Variants in PPARGC1A observed in about 807,000 individuals in gnomAD.
PPARGC1A encodes the protein peroxisome proliferator-activated receptor gamma coactivator 1-alpha.
PPARGC1A carries 25 observed loss-of-function variants against 88.7 expected under a neutral mutation model. That is an observed-to-expected ratio of 0.28 (90% CI 0.21 to 0.39). The LOEUF is 0.39. Ranked by LOEUF, PPARGC1A falls within the 10% of genes least tolerant of loss-of-function variation. The probability of loss-of-function intolerance (pLI) is 1.00; values close to 1 mark genes in which losing one functional copy is unlikely to be tolerated. For missense variants in PPARGC1A, 880 were observed against 968.7 expected, an observed-to-expected ratio of 0.91 and a Z score of 1.22; for synonymous variants, 363 against 355.6, an observed-to-expected ratio of 1.02 and a Z score of -0.24.
At chr4:24,339,383 A>C in the PPARGC1A span, among the ~76,000 whole-genome samples, 1 of 148,400 alleles carries the variant, frequency 6.7e-6, no homozygotes. Context: ...TCTTTATCTT[A>C]TTTCCCATTT....
chr4:24,147,861 T>G, the PPARGC1A span, among the ~76,000 whole-genome samples: 1 of 152,148 alleles, frequency 6.6e-6, no homozygotes, highest in Non-Finnish European at 1.5e-5. Flanking sequence ...CAAGAATCAC[T>G]TGAGCCCGGG....
intron 2 of PPARGC1A, among the ~76,000 whole-genome samples, chr4:23,851,547 G>A (rs1325306375): frequency 1.3e-5 from 2 of 152,186 alleles, no homozygotes; most frequent in African/African-American, 4.8e-5. Flanking sequence ...GATGTTATCA[G>A]TTGTCCAGGA....
the PPARGC1A span, among the ~76,000 whole-genome samples, chr4:24,160,368 C>A: frequency 6.6e-6 from 1 of 152,060 alleles, no homozygotes; most frequent in African/African-American, 2.4e-5. Flanking sequence ...TTATTAAGAC[C>A]ATTAAAACTA....
At chr4:24,268,165 A>G in the PPARGC1A span, among the ~76,000 whole-genome samples, 1 of 152,228 alleles carries the variant, frequency 6.6e-6, no homozygotes, top group Non-Finnish European at 1.5e-5. Context: ...ATCAAGCATA[A>G]TGACCCTCTA....
the PPARGC1A span, among the ~76,000 whole-genome samples, chr4:24,192,529 G>C: frequency 6.6e-6 from 1 of 152,172 alleles, no homozygotes; most frequent in East Asian, 1.9e-4. Flanking sequence ...GCAAGACAAA[G>C]AACAGTACTT....
chr4:24,103,623 A>T, the PPARGC1A span, among the ~76,000 whole-genome samples: 1 of 147,676 alleles, frequency 6.8e-6, no homozygotes, highest in East Asian at 2.0e-4. Context: ...CCTCGTCAGT[A>T]TAAAATGAAC....
chr4:24,025,324 G>A, the PPARGC1A span, among the ~76,000 whole-genome samples: 1 of 152,160 alleles, frequency 6.6e-6, no homozygotes, highest in Non-Finnish European at 1.5e-5. Flanking sequence ...ATTGGTGGGA[G>A]TCTCAATACA....
At chr4:24,238,779 G>A in the PPARGC1A span, among the ~76,000 whole-genome samples, 1 of 151,280 alleles carries the variant, frequency 6.6e-6, no homozygotes, top group Non-Finnish European at 1.5e-5. Flanking sequence ...GTGTGTGTGT[G>A]TGTGTGTGTG....
chr4:24,018,015 C>T, the PPARGC1A span, among the ~76,000 whole-genome samples: 1 of 152,064 alleles, frequency 6.6e-6, no homozygotes, highest in South Asian at 2.1e-4. Flanking sequence ...AGCTGGAAGC[C>T]CTAAAAGTTC....
the PPARGC1A span, among the ~76,000 whole-genome samples, chr4:24,109,831 C>T: frequency 1.3e-5 from 2 of 152,122 alleles, no homozygotes; most frequent in Non-Finnish European, 2.9e-5. Context: ...CTTGAAAATG[C>T]GTTCCGTGGT....
the PPARGC1A span, among the ~76,000 whole-genome samples, chr4:24,414,094 A>G: frequency 0.012 from 1,813 of 152,334 alleles, 20 homozygotes; most frequent in Non-Finnish European, 0.019. Flanking sequence ...TAATTACCAT[A>G]AAGCACTAAA....
At chr4:24,274,628 C>T in the PPARGC1A span, among the ~76,000 whole-genome samples, 1 of 152,254 alleles carries the variant, frequency 6.6e-6, no homozygotes, top group Non-Finnish European at 1.5e-5. Flanking sequence ...TTTAAACATG[C>T]AAAAACCATT....
At chr4:23,982,923 C>T in the PPARGC1A span, among the ~76,000 whole-genome samples, 3 of 152,140 alleles carry the variant, frequency 2.0e-5, no homozygotes, top group East Asian at 1.9e-4. Context: ...ATTTGGCTCA[C>T]CACCTGGTTT....
chr4:23,945,761 T>C, the PPARGC1A span, among the ~76,000 whole-genome samples: 1 of 152,158 alleles, frequency 6.6e-6, no homozygotes, highest in Non-Finnish European at 1.5e-5. Flanking sequence ...CAAGTTTGTT[T>C]TTTGAAACCT....
the PPARGC1A span, among the ~76,000 whole-genome samples, chr4:24,071,798 T>A: frequency 1.3e-5 from 2 of 152,128 alleles, no homozygotes; most frequent in African/African-American, 2.4e-5. Context: ...CTTGGACAGG[T>A]CCCAGACCCT....
At chr4:24,172,783 C>T in the PPARGC1A span, among the ~76,000 whole-genome samples, 4 of 152,164 alleles carry the variant, frequency 2.6e-5, 1 homozygote, top group African/African-American at 9.7e-5. Context: ...CGGCACTTTA[C>T]CCTTGCTGGT....
At chr4:24,137,004 C>T in the PPARGC1A span, among the ~76,000 whole-genome samples, 1 of 151,482 alleles carries the variant, frequency 6.6e-6, no homozygotes, top group Admixed American at 6.6e-5. Flanking sequence ...ATCCCAGCTA[C>T]TCAGGAGGCT....
chr4:23,827,939 G>T (rs1487142135), intron 5 of PPARGC1A, among the ~76,000 whole-genome samples: 2 of 152,036 alleles, frequency 1.3e-5, no homozygotes, highest in African/African-American at 2.4e-5. Context: ...ATTAGAAAAG[G>T]AATGTACTTA....
At chr4:24,087,698 G>A in the PPARGC1A span, among the ~76,000 whole-genome samples, 3 of 152,206 alleles carry the variant, frequency 2.0e-5, no homozygotes, top group Non-Finnish European at 4.4e-5. Context: ...TGCCATCTCT[G>A]TCCCTGAGTG....
Sources: gnomAD v4.1 joint callset for allele counts (sites outside exome capture counted in the v4.1 genomes callset) on GRCh38, gnomAD v4.1.1 for gene constraint, MANE v1.5 for transcripts, NCBI Gene and HGNC (gene_info 2026-07-23, HGNC 2026-07-21) for gene names.